Variants in RAP1GDS1 observed in about 807,000 individuals in gnomAD.
The protein encoded by RAP1GDS1 is RAP1, GTP-GDP dissociation stimulator 1.
Under a neutral mutation model 71.1 loss-of-function variants are expected in RAP1GDS1, and 35 were observed. The observed-to-expected ratio is 0.49, with a 90% CI of 0.38 to 0.65. The LOEUF (loss-of-function observed/expected upper bound fraction) is 0.65, where lower values mean the gene tolerates loss of function less well. Among genes scored for constraint, RAP1GDS1 ranks in the 30% least tolerant of loss-of-function variants. The pLI is 0.00. For synonymous variants in RAP1GDS1, 229 were observed against 243.1 expected (o/e 0.94, Z 0.54); for missense variants, 663 against 706.1 (o/e 0.94, Z 0.69).
At chr4:98,327,373 C>T (rs1406608977) in intron 2 of RAP1GDS1, among the ~76,000 whole-genome samples, 1 of 152,164 alleles carries the variant, frequency 6.6e-6, no homozygotes, top group Non-Finnish European at 1.5e-5. Flanking sequence ...TCCTTGGCTA[C>T]AAGGATCACA....
intron 1 of RAP1GDS1, among the ~76,000 whole-genome samples, chr4:98,267,705 C>A (rs577501606): frequency 1.4e-4 from 22 of 152,262 alleles, no homozygotes; most frequent in African/African-American, 5.3e-4. Context: ...GCATAGTATT[C>A]CATGGTATAT....
intron 4 of RAP1GDS1, among the ~76,000 whole-genome samples, chr4:98,375,205 T>C (rs1740991564): frequency 6.6e-6 from 1 of 152,120 alleles, no homozygotes; most frequent in African/African-American, 2.4e-5. Context: ...TGGTCCCAGG[T>C]GTTCTTTGGC....
At chr4:98,324,576 T>C (rs1337221998) in intron 2 of RAP1GDS1, among the ~76,000 whole-genome samples, 2 of 145,158 alleles carry the variant, frequency 1.4e-5, no homozygotes, top group Non-Finnish European at 3.0e-5. Context: ...AACAGAGATA[T>C]AGATCAATGG....
intron 12 of RAP1GDS1, among the ~76,000 whole-genome samples, chr4:98,429,073 A>G (rs1473831133): frequency 2.6e-5 from 4 of 152,144 alleles, no homozygotes; most frequent in Non-Finnish European, 5.9e-5. Flanking sequence ...CCTGGCTAAC[A>G]TGGTGAAACC....
intron 6 of RAP1GDS1, among the ~76,000 whole-genome samples, chr4:98,400,135 T>A (rs1228164967): frequency 6.6e-6 from 1 of 151,652 alleles, no homozygotes; most frequent in Non-Finnish European, 1.5e-5. Context: ...CCAGCTTGGG[T>A]GACAGAGCAA....
At chr4:98,430,357 A>T (rs1750227714) in intron 12 of RAP1GDS1, among the ~76,000 whole-genome samples, 1 of 152,206 alleles carries the variant, frequency 6.6e-6, no homozygotes, top group African/African-American at 2.4e-5. Context: ...TGATTCTCAC[A>T]CTTTAATGAG....
At chr4:98,390,581 C>T (rs772802298) in intron 5 of RAP1GDS1, among the ~76,000 whole-genome samples, 4 of 152,018 alleles carry the variant, frequency 2.6e-5, no homozygotes, top group Non-Finnish European at 4.4e-5. Context: ...GGACACTAAG[C>T]CTCTGTTGAC....
intron 2 of RAP1GDS1, among the ~76,000 whole-genome samples, chr4:98,324,028 C>T (rs570483435): frequency 3.1e-4 from 47 of 150,906 alleles, no homozygotes; most frequent in East Asian, 1.8e-3. Context: ...AAAACCCCAT[C>T]GTCTCAGCCC....
At chr4:98,377,699 C>G (rs1741364799) in intron 4 of RAP1GDS1, among the ~76,000 whole-genome samples, 1 of 151,248 alleles carries the variant, frequency 6.6e-6, no homozygotes, top group Non-Finnish European at 1.5e-5. Context: ...TAATATGATT[C>G]AGCAACAGTA....
chr4:98,401,554 T>C (rs1329902911), intron 6 of RAP1GDS1, among the ~76,000 whole-genome samples: 1 of 152,038 alleles, frequency 6.6e-6, no homozygotes. Context: ...GAAGAAGAAA[T>C]GGAGGAGAGG....
chr4:98,378,187 C>T (rs970998585), intron 4 of RAP1GDS1, among the ~76,000 whole-genome samples: 1 of 151,824 alleles, frequency 6.6e-6, no homozygotes, highest in African/African-American at 2.4e-5. Context: ...TTTAGAATGA[C>T]ACGTATTCTT....
chr4:98,364,569 G>A (rs1292173381), intron 4 of RAP1GDS1, among the ~76,000 whole-genome samples: 1 of 152,066 alleles, frequency 6.6e-6, no homozygotes, highest in African/African-American at 2.4e-5. Flanking sequence ...TATGTTTTAA[G>A]GATTTTACTA....
At chr4:98,291,660 A>T (rs1726945718) in intron 1 of RAP1GDS1, among the ~76,000 whole-genome samples, 1 of 152,176 alleles carries the variant, frequency 6.6e-6, no homozygotes, top group African/African-American at 2.4e-5. Flanking sequence ...GTAGAGTCAC[A>T]ATGGGATTAC....
chr4:98,357,836 G>A (rs1459919439), intron 4 of RAP1GDS1, among the ~76,000 whole-genome samples: 1 of 151,864 alleles, frequency 6.6e-6, no homozygotes, highest in Non-Finnish European at 1.5e-5. Context: ...TCACTAAGTT[G>A]TCATTTAATT....
chr4:98,265,254 A>G (rs1447720350), intron 1 of RAP1GDS1, among the ~76,000 whole-genome samples: 1 of 152,188 alleles, frequency 6.6e-6, no homozygotes, highest in Admixed American at 6.5e-5. Context: ...TGAGTATGGA[A>G]TTGAGAGTCA....
chr4:98,365,564 A>G (rs1016126459), intron 4 of RAP1GDS1, among the ~76,000 whole-genome samples: 2 of 152,132 alleles, frequency 1.3e-5, no homozygotes, highest in South Asian at 4.1e-4. Context: ...TCGAGGCTGC[A>G]GTGAGTGGAG....
At chr4:98,409,086 T>C (rs1746604446) in intron 7 of RAP1GDS1, among the ~76,000 whole-genome samples, 2 of 152,176 alleles carry the variant, frequency 1.3e-5, no homozygotes, top group Admixed American at 6.5e-5. Context: ...CATTCATTTA[T>C]GATGTGATTA....
intron 2 of RAP1GDS1, among the ~76,000 whole-genome samples, chr4:98,334,884 C>T (rs1318350734): frequency 2.5e-5 from 3 of 118,562 alleles, no homozygotes; most frequent in Non-Finnish European, 3.4e-5. Context: ...TTTATATCAA[C>T]ACCAGTAGGA....
chr4:98,373,922 G>GTGTA (rs1740778849), intron 4 of RAP1GDS1, among the ~76,000 whole-genome samples: 2 of 152,212 alleles, frequency 1.3e-5, no homozygotes, highest in Admixed American at 1.3e-4. Context: ...TGGGCAGGTA[G>GTGTA]TGTATCTAGC....
Sources: allele counts gnomAD v4.1 joint callset (sites outside exome capture counted in the v4.1 genomes callset), GRCh38; gene constraint gnomAD v4.1.1; transcripts MANE v1.5; gene names NCBI Gene and HGNC (gene_info 2026-07-23, HGNC 2026-07-21).